The following ZC3H7B variants were observed in gnomAD, a reference collection of about 807,000 sequenced individuals.
ZC3H7B encodes the protein zinc finger CCCH domain-containing protein 7B.
Under a neutral mutation model 116.0 loss-of-function variants are expected in ZC3H7B, and 35 were observed. That is an observed-to-expected ratio of 0.30 (90% CI 0.23 to 0.40). The LOEUF (loss-of-function observed/expected upper bound fraction) is 0.40, where lower values mean the gene tolerates loss of function less well. ZC3H7B is among the 10% of genes least tolerant of loss of function. ZC3H7B has a pLI of 1.00. For missense variants in ZC3H7B, 1,011 were observed against 1,321.5 expected (o/e 0.77, Z 3.64); for synonymous variants, 502 against 545.6 (o/e 0.92, Z 1.11).
intron 1 of ZC3H7B, among the ~76,000 whole-genome samples, chr22:41,310,130 G>A (rs888701522): frequency 1.3e-5 from 2 of 152,144 alleles, no homozygotes; most frequent in Admixed American, 6.6e-5. Context: ...GTGTGAACCC[G>A]GGAGGCGGAG....
At chr22:41,355,181 G>A (rs1383762597) in intron 17 of ZC3H7B, among the ~76,000 whole-genome samples, 1 of 152,222 alleles carries the variant, frequency 6.6e-6, no homozygotes, top group Non-Finnish European at 1.5e-5. Context: ...GGGAGGTGTG[G>A]CGGAACGGAG....
intron 2 of ZC3H7B, among the ~76,000 whole-genome samples, chr22:41,325,326 G>T (rs1311314734): frequency 6.6e-6 from 1 of 152,052 alleles, no homozygotes; most frequent in East Asian, 1.9e-4. Flanking sequence ...GGGTCAGTCT[G>T]CTCTTTCTCA....
At chr22:41,312,320 T>G (rs2036129336) in intron 1 of ZC3H7B, among the ~76,000 whole-genome samples, 1 of 151,082 alleles carries the variant, frequency 6.6e-6, no homozygotes, top group Non-Finnish European at 1.5e-5. Context: ...TACAAAAAAT[T>G]AGCTGGGCAT....
rs1381110202 is a variant in ZC3H7B, at chr22:41,332,160, A to T, written c.526-11A>T. 6.2e-7 allele frequency: 1 copy of T among 1,613,916 alleles called. No homozygotes were observed. The highest frequency in any genetic ancestry group is 1.1e-5 in the South Asian group (1 of 91,030). On this transcript the variant is annotated splice_polypyrimidine_tract_variant and intron_variant, in intron 6 of 22. Transcript: ENST00000352645. ...CTTTACCTCTGCCCACCTCTCTCCA[A>T]TCTCTGGCAGGAATTGGAAACCTTT... is the stretch of plus-strand genomic sequence containing the variant.
chr22:41,339,197 C>A lies in ZC3H7B; in HGVS notation c.816+6C>A, dbSNP rs1341951232. The stretch of plus-strand genomic sequence containing the variant: ...ACACCCTCCTGGACTCGCTGGTGAG[C>A]CACACCACCCTCCTTGTGCTCCCCT... On this transcript the variant is annotated splice_donor_region_variant and intron_variant, in intron 9 of 22. Transcript: ENST00000352645. 3 of 1,600,302 alleles carry A rather than the reference C, an allele frequency of 1.9e-6. No homozygotes were observed. The highest frequency in any genetic ancestry group is 3.4e-5 in the Admixed American group (2 of 59,130).
intron 12 of ZC3H7B, 48 bp from the exon 13 acceptor site, chr22:41,343,367 C>A: frequency 1.3e-6 from 2 of 1,577,928 alleles, no homozygotes; most frequent in Non-Finnish European, 1.7e-6. Context: ...AGCCATCACT[C>A]TTCAATTCTG....
chr22:41,309,971 C>T (rs564212312), intron 1 of ZC3H7B, among the ~76,000 whole-genome samples: 74 of 151,930 alleles, frequency 4.9e-4, no homozygotes, highest in African/African-American at 1.6e-3. Flanking sequence ...TTTGGGAGGC[C>T]GAGGTGAGCG....
At chr22:41,305,677 A>G (rs985532243) in intron 1 of ZC3H7B, among the ~76,000 whole-genome samples, 6 of 152,180 alleles carry the variant, frequency 3.9e-5, no homozygotes, top group African/African-American at 1.4e-4. Context: ...TAACTGCAGA[A>G]AGCAGAATGG....
chr22:41,356,056 A>T lies in ZC3H7B; in HGVS notation c.2377A>T (p.Asn793Tyr). The change falls in exon 20 of 23, where the codon AAC (asparagine) becomes TAC (tyrosine). Residue 793 changes from asparagine (N) to tyrosine (Y), a missense_variant. By Grantham distance (143) the Asn-to-Tyr change is moderately radical. Transcript: ENST00000352645. ...GGACATGTGGACCTTCATGAAGGAGAACAAGAGTGAGTGGGCAGACGGGGC... is the reference window on the plus strand; with the variant it reads ...GGACATGTGGACCTTCATGAAGGAGTACAAGAGTGAGTGGGCAGACGGGGC... ...ERDMWTFMKE[N>Y]KILDMQQTYD... is the part of the protein sequence containing the mutation. The T allele has an allele frequency of 6.4e-7, 1 of 1,565,656 alleles. No homozygotes were observed. The highest frequency in any genetic ancestry group is 8.6e-7 in the Non-Finnish European group (1 of 1,161,352).
chr22:41,323,024 C>T (rs987710905), intron 2 of ZC3H7B, among the ~76,000 whole-genome samples: 1 of 152,200 alleles, frequency 6.6e-6, no homozygotes, highest in Admixed American at 6.5e-5. Context: ...AGCGAGTGTT[C>T]ATATTGACAC....
At chr22:41,311,251 G>A (rs1409846682) in intron 1 of ZC3H7B, among the ~76,000 whole-genome samples, 1 of 151,954 alleles carries the variant, frequency 6.6e-6, no homozygotes, top group African/African-American at 2.4e-5. Context: ...GGTCCGAGAG[G>A]TGGCCGTGCT....
intron 1 of ZC3H7B, among the ~76,000 whole-genome samples, chr22:41,320,434 T>TG (rs1252334916): frequency 2.6e-5 from 4 of 151,812 alleles, no homozygotes; most frequent in Non-Finnish European, 5.9e-5. Context: ...TATGCCCCCT[T>TG]GTCCCTTGAG....
chr22:41,351,014 G>A lies in ZC3H7B; in HGVS notation c.1949-547G>A, dbSNP rs1349648115. Among the ~76,000 whole-genome samples, 1 of 152,214 alleles carries A rather than the reference G, an allele frequency of 6.6e-6. No individual in the cohort carries two copies. Among genetic ancestry groups the A allele is most frequent in the South Asian group, 2.1e-4 (1 of 4,832 alleles). Reference sequence around the variant, plus strand: ...TGGATCTCCAAGGTCGGGCTCAGTGGCAACAGTCTGAGGCTGGCGGGGAGA... The same window carrying A: ...TGGATCTCCAAGGTCGGGCTCAGTGACAACAGTCTGAGGCTGGCGGGGAGA... On this transcript the variant is annotated intron_variant, in intron 16 of 22. Transcript: ENST00000352645. This position sits in a 1 kb window ranked among gnomAD's most constrained non-coding sequence, Gnocchi z 5.1.
In ZC3H7B at chr22:41,340,139, TA is replaced by T; in HGVS notation, c.1138+4del. ...TGGACAAACCTGACTCCTTCATGGG[TA>T]AGGCCATGGGTGGGCCCGTTCAACC... On this transcript the variant is annotated splice_donor_region_variant and intron_variant, in intron 10 of 22. Transcript: ENST00000352645. 1 of 1,597,720 alleles carries T rather than the reference TA, an allele frequency of 6.3e-7. No homozygotes were observed. Among genetic ancestry groups the T allele is most frequent in the Non-Finnish European group, 8.5e-7 (1 of 1,171,230 alleles).
intron 14 of ZC3H7B, among the ~76,000 whole-genome samples, chr22:41,347,475 C>T (rs1240059195): frequency 6.6e-6 from 1 of 152,110 alleles, no homozygotes; most frequent in Admixed American, 6.5e-5. Flanking sequence ...AATTCCCTCC[C>T]CAAAGCTGTC....
Position 41,357,769 on chromosome 22 carries a change from G to A in ZC3H7B, c.*340G>A. On this transcript the variant is annotated 3_prime_UTR_variant, in exon 23 of 23. Transcript: ENST00000352645. The surrounding 1 kb of genome is among the most constrained non-coding windows in gnomAD (Gnocchi z 5.4). The stretch of plus-strand genomic sequence containing the variant: ...TCCTAATGGGGGCCCAAAGCTCAGG[G>A]CTGGGGAGCCTGGGGTCCCCACTTG... 2 of 339,390 alleles carry A rather than the reference G, an allele frequency of 5.9e-6. No individual in the cohort carries two copies. The highest frequency in any genetic ancestry group is 8.1e-5 in the South Asian group (2 of 24,678). The allele number at this position is 339,390 out of a possible 1,614,324, so 21.0% of individuals were successfully genotyped here.
chr22:41,356,072 C>A lies in ZC3H7B; in HGVS notation c.2383+10C>A. On this transcript the variant is annotated intron_variant, in intron 20 of 22. Coordinates refer to ENST00000352645, the MANE Select transcript of ZC3H7B (RefSeq NM_017590.6). ...ATGAAGGAGAACAAGAGTGAGTGGG[C>A]AGACGGGGCGGGCGGGCCCTCCCCC... 1 of 1,559,236 alleles carries A rather than the reference C, an allele frequency of 6.4e-7. No individual in the cohort carries two copies.
At chr22:41,311,274 A>C (rs540653564) in intron 1 of ZC3H7B, among the ~76,000 whole-genome samples, 1 of 151,870 alleles carries the variant, frequency 6.6e-6, no homozygotes, top group South Asian at 2.1e-4. Context: ...TGGAGAGGAT[A>C]TGAGGGGTTG....
At chr22:41,353,331 G>C (rs778205858) in intron 17 of ZC3H7B, among the ~76,000 whole-genome samples, 35 of 152,162 alleles carry the variant, frequency 2.3e-4, no homozygotes, top group Non-Finnish European at 4.4e-4. Flanking sequence ...CGTCCTGTCC[G>C]GGGCTCGCTC....
Sources: allele counts gnomAD v4.1 joint callset (sites outside exome capture counted in the v4.1 genomes callset), GRCh38; gene constraint gnomAD v4.1.1; non-coding constraint Gnocchi (gnomAD v3.1); transcripts MANE v1.5; gene names NCBI Gene and HGNC (gene_info 2026-07-23, HGNC 2026-07-21).